Variants in ATP8B1 observed in about 807,000 individuals in gnomAD.
The protein encoded by ATP8B1 is phospholipid-transporting ATPase IC.
Under a neutral mutation model 149.9 loss-of-function variants are expected in ATP8B1, and 80 were observed. The observed-to-expected ratio is 0.53, with a 90% CI of 0.45 to 0.64. The LOEUF (loss-of-function observed/expected upper bound fraction) is 0.64, where lower values mean the gene tolerates loss of function less well. Among genes scored for constraint, ATP8B1 ranks in the 30% least tolerant of loss-of-function variants. ATP8B1 has a pLI of 0.00. For missense variants in ATP8B1, 1,247 were observed against 1,552.6 expected (o/e 0.80, Z 3.31); for synonymous variants, 536 against 562.8 (o/e 0.95, Z 0.67).
chr18:57,674,691 T>A, intron 16 of ATP8B1, 143 bp downstream of exon 16: 1 of 969,580 alleles, frequency 1.0e-6, no homozygotes, highest in East Asian at 2.7e-5. Context: ...CAGCCAACAA[T>A]ACCAGTTTCA....
chr18:57,718,894 A>T (rs1039692144), intron 2 of ATP8B1, among the ~76,000 whole-genome samples: 6 of 152,240 alleles, frequency 3.9e-5, no homozygotes, highest in African/African-American at 1.4e-4. Flanking sequence ...AAAGCCATAT[A>T]TGACAGACCC....
In ATP8B1 at chr18:57,697,708, CAAAT is replaced by C; in HGVS notation, c.628-24_628-21del. 6.2e-7 allele frequency: 1 copy of C among 1,613,966 alleles called. No homozygotes were observed. Among genetic ancestry groups the C allele is most frequent in the South Asian group, 1.1e-5 (1 of 91,074 alleles). ...GTCAGCCTGTCCAAAACAAAACACA[CAAAT>C]AACACCGAGACCCTGAGGGAAAAGC... On this transcript the variant is annotated intron_variant, in intron 7 of 27. Coordinates refer to ENST00000648908, the MANE Select transcript of ATP8B1 (RefSeq NM_001374385.1).
chr18:57,677,908 A>G (rs1169944229), intron 15 of ATP8B1, among the ~76,000 whole-genome samples: 1 of 152,178 alleles, frequency 6.6e-6, no homozygotes, highest in African/African-American at 2.4e-5. Flanking sequence ...CACAAGTAAG[A>G]CACTCATATC....
intron 27 of ATP8B1, 152 bp downstream of exon 27, chr18:57,650,215 T>G: frequency 1.0e-6 from 1 of 1,004,514 alleles, no homozygotes; most frequent in Non-Finnish European, 1.5e-6. Flanking sequence ...TCCAAAAGAC[T>G]TATTTGTGAG....
At chr18:57,668,145 G>A (rs1198916448) in intron 19 of ATP8B1, 1 of 1,368,006 alleles carries the variant, frequency 7.3e-7, no homozygotes, top group South Asian at 1.2e-5. Flanking sequence ...GCCCTTTCAG[G>A]ACGGGAACCC....
chr18:57,690,124 A>G (rs1436274220), intron 12 of ATP8B1, among the ~76,000 whole-genome samples: 2 of 152,254 alleles, frequency 1.3e-5, no homozygotes, highest in African/African-American at 4.8e-5. Context: ...AGAATGAGTC[A>G]GGAAAGGTCA....
intron 20 of ATP8B1, among the ~76,000 whole-genome samples, chr18:57,665,623 G>C (rs1388286836): frequency 6.6e-6 from 1 of 151,906 alleles, no homozygotes; most frequent in Non-Finnish European, 1.5e-5. Context: ...CACTATCTTG[G>C]CTCACTGCAA....
intron 1 of ATP8B1, among the ~76,000 whole-genome samples, chr18:57,738,503 T>A (rs1349761422): frequency 6.6e-6 from 1 of 152,136 alleles, no homozygotes; most frequent in East Asian, 1.9e-4. Flanking sequence ...CACATGCCTG[T>A]AATCCCAGCT....
In ATP8B1 at chr18:57,696,539, T is replaced by G. The variant is rs1017146599; in HGVS notation, c.699-1007A>C. Among the ~76,000 whole-genome samples the G allele has an allele frequency of 6.5e-5, 5 of 76,574 alleles. No homozygotes were observed. The Admixed American group carries it at 7.7e-4, about 12-fold the overall frequency. The allele number at this position is 76,574 out of a possible 152,430, so 50.2% of individuals were successfully genotyped here. A position where few individuals can be genotyped will look rare whatever the true frequency, so the allele number is the denominator to read the frequency against. ...AGTGGTTAATTGGCTTTAAGTATTT[T>G]TTTCCGCCAAAAAAAAAAAAAAAGT... On this transcript the variant is annotated intron_variant, in intron 8 of 27. Coordinates refer to ENST00000648908, the MANE Select transcript of ATP8B1 (RefSeq NM_001374385.1).
chr18:57,702,597 C>T (rs1913181787), intron 4 of ATP8B1, among the ~76,000 whole-genome samples: 1 of 152,188 alleles, frequency 6.6e-6, no homozygotes, highest in African/African-American at 2.4e-5. Flanking sequence ...GTAGCTCATG[C>T]TTGTAATCCC....
rs1374962788 is a variant in ATP8B1 at position 57,648,030 on chromosome 18, A to T, written c.*458T>A. On this transcript the variant is annotated 3_prime_UTR_variant, in exon 28 of 28. Transcript: ENST00000648908. ...AAGACAGAGTCTTGCTCTGTCACCC[A>T]GGCTGGAGTGCAGTGGCGCAATCTC... 3.5e-6 allele frequency: 1 copy of T among 287,876 alleles called. No individual in the cohort carries two copies. Among genetic ancestry groups the T allele is most frequent in the Non-Finnish European group, 6.8e-6 (1 of 147,174 alleles). The allele number at this position is 287,876 out of a possible 1,614,324, so 17.8% of individuals were successfully genotyped here.
chr18:57,764,488 G>A (rs1176349424), intron 1 of ATP8B1, among the ~76,000 whole-genome samples: 1 of 149,396 alleles, frequency 6.7e-6, no homozygotes, highest in East Asian at 2.0e-4. Context: ...GTGTGATCTC[G>A]GCTCACTGCA....
chr18:57,697,522 G>T, intron 8 of ATP8B1, 96 bp downstream of exon 8: 1 of 1,327,064 alleles, frequency 7.5e-7, no homozygotes, highest in Non-Finnish European at 1.1e-6. Context: ...GGCAAGGCCA[G>T]ATATCAAGCC....
chr18:57,720,422 C>T (rs1211138548), intron 2 of ATP8B1, among the ~76,000 whole-genome samples: 2 of 45,422 alleles, frequency 4.4e-5, no homozygotes, highest in Non-Finnish European at 8.9e-5. Context: ...GAGCTGAAAA[C>T]CAAGGCTCGA....
At chr18:57,714,621 AAGAG>A (rs142991333) in intron 2 of ATP8B1, among the ~76,000 whole-genome samples, 6,597 of 132,538 alleles carry the variant, frequency 0.05, 209 homozygotes, top group Middle Eastern at 0.1. Context: ...AGAGCAAAAA[AAGAG>A]AGAGAGAGAG....
At position 57,668,554 on chromosome 18, in the gene ATP8B1, TAAAAAAA is replaced by T; in HGVS notation, c.2098-21_2098-15del. The T allele has an allele frequency of 1.6e-6, 1 of 643,508 alleles. No individual in the cohort carries two copies. The highest frequency in any genetic ancestry group is 2.4e-5 in the African/African-American group (1 of 41,466). The allele number at this position is 643,508 out of a possible 1,614,324, so 39.9% of individuals were successfully genotyped here. A position where few individuals can be genotyped will look rare whatever the true frequency, so the allele number is the denominator to read the frequency against. ...AGCTCCCAGGAGCTAGAATGTATAT[TAAAAAAA>T]AAAAAAAAAGGAATTAGCAAACAAA... On this transcript the variant is annotated splice_polypyrimidine_tract_variant and intron_variant, in intron 18 of 27. Coordinates refer to ENST00000648908, the MANE Select transcript of ATP8B1 (RefSeq NM_001374385.1).
At chr18:57,652,387 G>C in intron 25 of ATP8B1, 97 bp downstream of exon 25, 9 of 1,538,270 alleles carry the variant, frequency 5.9e-6, no homozygotes, top group Non-Finnish European at 8.1e-6. Context: ...AGTGGCACAG[G>C]TGCAGTGGGA....
chr18:57,767,326 G>A (rs2080219899), intron 1 of ATP8B1, among the ~76,000 whole-genome samples: 1 of 152,172 alleles, frequency 6.6e-6, no homozygotes, highest in South Asian at 2.1e-4. Context: ...TCCTCAGAAA[G>A]CCTTCTGCTG....
At chr18:57,752,219 T>C (rs1440372314) in intron 1 of ATP8B1, among the ~76,000 whole-genome samples, 1 of 137,922 alleles carries the variant, frequency 7.3e-6, no homozygotes, top group East Asian at 2.0e-4. Context: ...ATAATAATAA[T>C]AATAATGATA....
Sources: gnomAD v4.1 joint callset for allele counts (sites outside exome capture counted in the v4.1 genomes callset) on GRCh38, gnomAD v4.1.1 for gene constraint, MANE v1.5 for transcripts, NCBI Gene and HGNC (gene_info 2026-07-23, HGNC 2026-07-21) for gene names.